The following GRM8 variants were observed in gnomAD, a reference collection of about 807,000 sequenced individuals.
GRM8 encodes metabotropic glutamate receptor 8.
In GRM8, 47 loss-of-function variants were observed where a neutral mutation model predicts 87.2. The observed-to-expected ratio is 0.54, with a 90% confidence interval of 0.43 to 0.69. The LOEUF is 0.69. Among genes scored for constraint, GRM8 ranks in the 30% least tolerant of loss-of-function variants. The probability of loss-of-function intolerance (pLI) is 0.00; values close to 1 mark genes in which losing one functional copy is unlikely to be tolerated. For synonymous variants in GRM8, 396 were observed against 404.5 expected, an observed-to-expected ratio of 0.98 and a Z score of 0.25; for missense variants, 1,019 against 1,139.2, an observed-to-expected ratio of 0.89 and a Z score of 1.52.
chr7:127,211,020 T>C (rs991054818), intron 2 of GRM8, among the ~76,000 whole-genome samples: 1 of 152,210 alleles, frequency 6.6e-6, no homozygotes, highest in Non-Finnish European at 1.5e-5. Context: ...TGAATCTTCA[T>C]GTCCCTCCAG....
At chr7:127,127,065 A>T (rs1054672602) in intron 2 of GRM8, among the ~76,000 whole-genome samples, 3 of 152,054 alleles carry the variant, frequency 2.0e-5, no homozygotes, top group Non-Finnish European at 4.4e-5. Context: ...AGAAACTGAC[A>T]ATACCAAGTA....
At position 126,807,741 on chromosome 7, in the gene GRM8, T is replaced by C. The variant is rs576835387; in HGVS notation, c.1157-37676A>G. ...TCCTAGTCCCAAGTGGTCCCAGGCA[T>C]GTAGGCAATTCTAGAATTTAGGCCT... On this transcript the variant is annotated intron_variant, in intron 6 of 10. Transcript: ENST00000339582. Among the ~76,000 whole-genome samples, 4 of 152,242 alleles carry C rather than the reference T, an allele frequency of 2.6e-5. No individual in the cohort carries two copies. The East Asian group carries it at 7.7e-4, about 29-fold the overall frequency.
intron 2 of GRM8, among the ~76,000 whole-genome samples, chr7:127,135,719 T>C (rs1827913802): frequency 6.6e-6 from 1 of 151,880 alleles, no homozygotes; most frequent in Non-Finnish European, 1.5e-5. Flanking sequence ...AGAGATTATA[T>C]TTACATTCGC....
chr7:126,785,840 A>T (rs985109496), intron 6 of GRM8, among the ~76,000 whole-genome samples: 2 of 152,084 alleles, frequency 1.3e-5, no homozygotes, highest in Non-Finnish European at 2.9e-5. Flanking sequence ...TTTACCAGAC[A>T]CAAAAATGAG....
chr7:127,160,411 C>T (rs1165622527), intron 2 of GRM8, among the ~76,000 whole-genome samples: 1 of 152,006 alleles, frequency 6.6e-6, no homozygotes, highest in Admixed American at 6.6e-5. Flanking sequence ...AAATAGCAAA[C>T]AAAGAAAAAG....
At position 126,439,075 on chromosome 7, in the gene GRM8, A is replaced by T; in HGVS notation, c.*44T>A. The T allele has an allele frequency of 8.4e-7, 1 of 1,186,812 alleles. No individual in the cohort carries two copies. The highest frequency in any genetic ancestry group is 1.3e-6 in the Non-Finnish European group (1 of 790,412). 73.5% of individuals were successfully genotyped at this position (1,186,812 alleles called of 1,614,324 possible). The stretch of plus-strand genomic sequence containing the variant: ...TTTTGCGGTCTCATGTTCATCATTT[A>T]AGATCATATACCACATCTCTTCAGA... On this transcript the variant is annotated 3_prime_UTR_variant, in exon 11 of 11. Coordinates refer to ENST00000339582, the MANE Select transcript of GRM8 (RefSeq NM_000845.3).
At chr7:126,966,896 C>T (rs184101904) in intron 3 of GRM8, among the ~76,000 whole-genome samples, 69 of 152,286 alleles carry the variant, frequency 4.5e-4, no homozygotes, top group African/African-American at 1.4e-3. Flanking sequence ...GGGGCAGGAA[C>T]AGCGGTAGAG....
chr7:126,940,044 G>A (rs1162556118), intron 3 of GRM8, among the ~76,000 whole-genome samples: 2 of 152,142 alleles, frequency 1.3e-5, no homozygotes, highest in Non-Finnish European at 2.9e-5. Context: ...AACATCCAGG[G>A]TGGACCAGGG....
intron 2 of GRM8, among the ~76,000 whole-genome samples, chr7:127,191,444 T>A (rs964370443): frequency 6.6e-6 from 1 of 152,192 alleles, no homozygotes; most frequent in African/African-American, 2.4e-5. Context: ...AAGGGGTCAG[T>A]GTTCAAATTA....
chr7:127,192,693 C>G (rs576893021), intron 2 of GRM8, among the ~76,000 whole-genome samples: 1 of 152,222 alleles, frequency 6.6e-6, no homozygotes, highest in African/African-American at 2.4e-5. Context: ...TACGCAAGTA[C>G]AAGGACTGGG....
intron 3 of GRM8, among the ~76,000 whole-genome samples, chr7:126,943,717 C>T (rs1266428575): frequency 6.6e-6 from 1 of 152,008 alleles, no homozygotes; most frequent in African/African-American, 2.4e-5. Flanking sequence ...GTGAGGCAGC[C>T]GAAATTAGGA....
intron 7 of GRM8, among the ~76,000 whole-genome samples, chr7:126,634,289 T>C (rs1801636190): frequency 6.6e-6 from 1 of 152,164 alleles, no homozygotes; most frequent in Non-Finnish European, 1.5e-5. Flanking sequence ...TCTTGTTAAG[T>C]GCCCCTAGCA....
intron 7 of GRM8, among the ~76,000 whole-genome samples, chr7:126,625,370 G>C (rs1370515520): frequency 2.0e-5 from 3 of 151,644 alleles, no homozygotes; most frequent in Non-Finnish European, 4.4e-5. Context: ...ACCAAATATA[G>C]AAGTATTAAA....
At chr7:127,049,260 C>A (rs558555828) in intron 3 of GRM8, among the ~76,000 whole-genome samples, 216 of 152,100 alleles carry the variant, frequency 1.4e-3, no homozygotes, top group Non-Finnish European at 2.6e-3. Flanking sequence ...ACATTACTGG[C>A]AAGAATGATA....
At chr7:126,635,699 C>T (rs572900221) in intron 7 of GRM8, among the ~76,000 whole-genome samples, 5 of 152,172 alleles carry the variant, frequency 3.3e-5, no homozygotes, top group Non-Finnish European at 7.4e-5. Flanking sequence ...GCAAAATTCC[C>T]TATCCAAATG....
chr7:126,532,174 G>A (rs1477615854), intron 9 of GRM8, among the ~76,000 whole-genome samples: 5 of 152,204 alleles, frequency 3.3e-5, no homozygotes, highest in Admixed American at 3.3e-4. Context: ...TTTACCAGCA[G>A]TATTTTATGT....
chr7:127,043,537 T>C lies in GRM8; in HGVS notation c.727+62959A>G, dbSNP rs962810935. Among the ~76,000 whole-genome samples, 12 of 152,220 alleles carry C rather than the reference T, an allele frequency of 7.9e-5. 1 individual carries two copies. In the South Asian group the frequency reaches 2.5e-3, roughly 32 times the overall value. On this transcript the variant is annotated intron_variant, in intron 3 of 10. Coordinates refer to ENST00000339582, the MANE Select transcript of GRM8 (RefSeq NM_000845.3). Reference sequence around the variant, plus strand: ...AGAACAAAAAACCAAACACCACATGTTCTCACTCATAGGTGGGAACTGAAC... The same window carrying C: ...AGAACAAAAAACCAAACACCACATGCTCTCACTCATAGGTGGGAACTGAAC...
intron 2 of GRM8, among the ~76,000 whole-genome samples, chr7:127,115,926 G>A (rs76153873): frequency 3.2e-3 from 494 of 152,210 alleles, no homozygotes; most frequent in Middle Eastern, 0.01. Flanking sequence ...AGACCATCCT[G>A]GGCAACACAG....
chr7:126,749,176 G>A (rs1026265425), intron 7 of GRM8, among the ~76,000 whole-genome samples: 2 of 152,072 alleles, frequency 1.3e-5, no homozygotes, highest in Non-Finnish European at 2.9e-5. Context: ...TACTCCAGAG[G>A]CTGAGGCAGG....
Sources: allele counts gnomAD v4.1 joint callset (sites outside exome capture counted in the v4.1 genomes callset), GRCh38; gene constraint gnomAD v4.1.1; transcripts MANE v1.5; gene names NCBI Gene and HGNC (gene_info 2026-07-23, HGNC 2026-07-21).